The following CTNND2 variants were observed in gnomAD, a reference collection of about 807,000 sequenced individuals.
The protein encoded by CTNND2 is catenin delta-2.
CTNND2 carries 22 observed loss-of-function variants against 144.4 expected under a neutral mutation model. The observed-to-expected ratio is 0.15, with a 90% CI of 0.11 to 0.22. CTNND2 has a LOEUF of 0.22. Ranked by LOEUF, CTNND2 falls within the 10% of genes least tolerant of loss-of-function variation. The pLI, the probability that CTNND2 is intolerant of heterozygous loss-of-function variation, is 1.00. For missense variants in CTNND2, 1,353 were observed against 1,618.8 expected (o/e 0.84, Z 2.82); for synonymous variants, 751 against 695.6 (o/e 1.08, Z -1.25).
At chr5:11,319,955 G>A (rs531636874) in intron 9 of CTNND2, among the ~76,000 whole-genome samples, 1 of 152,240 alleles carries the variant, frequency 6.6e-6, no homozygotes, top group South Asian at 2.1e-4. Flanking sequence ...CCATGAAGTT[G>A]TCAGGCCCGC....
At chr5:11,618,947 A>T (rs1395590809) in intron 2 of CTNND2, among the ~76,000 whole-genome samples, 1 of 152,222 alleles carries the variant, frequency 6.6e-6, no homozygotes, top group Admixed American at 6.6e-5. Flanking sequence ...CTCCATTTTT[A>T]AAAAATTATG....
At chr5:11,423,077 G>A (rs952281158) in intron 3 of CTNND2, among the ~76,000 whole-genome samples, 2 of 152,210 alleles carry the variant, frequency 1.3e-5, no homozygotes, top group African/African-American at 4.8e-5. Context: ...TTGCCAGTGG[G>A]CATTCCATAA....
chr5:11,102,063 A>G (rs1056383378), intron 14 of CTNND2, among the ~76,000 whole-genome samples: 4 of 151,946 alleles, frequency 2.6e-5, no homozygotes, highest in African/African-American at 4.8e-5. Flanking sequence ...CTTGGGGGAA[A>G]TTTTCAATGA....
intron 9 of CTNND2, among the ~76,000 whole-genome samples, chr5:11,326,801 T>C (rs1419671341): frequency 1.3e-5 from 2 of 152,152 alleles, no homozygotes; most frequent in Non-Finnish European, 1.5e-5. Flanking sequence ...ATCTTTAACA[T>C]TGATGTCAAT....
chr5:11,057,001 C>T (rs1746411640), intron 16 of CTNND2, among the ~76,000 whole-genome samples: 1 of 152,166 alleles, frequency 6.6e-6, no homozygotes, highest in South Asian at 2.1e-4. Context: ...TGTGTGGAAT[C>T]CAGTCTTGTG....
chr5:11,374,488 T>G (rs186771062), intron 7 of CTNND2, among the ~76,000 whole-genome samples: 180 of 152,298 alleles, frequency 1.2e-3, no homozygotes, highest in Middle Eastern at 3.4e-3. Flanking sequence ...CACAATCTTC[T>G]GTTTGTCCTG....
At chr5:11,099,076 A>G (rs1222589662) in intron 14 of CTNND2, among the ~76,000 whole-genome samples, 2 of 152,192 alleles carry the variant, frequency 1.3e-5, no homozygotes, top group Non-Finnish European at 2.9e-5. Flanking sequence ...ATTAATTTTG[A>G]TTGAGCAGTT....
intron 3 of CTNND2, among the ~76,000 whole-genome samples, chr5:11,443,410 GGTGTGTGGTGT>G (rs1561402180): frequency 1.9e-5 from 1 of 53,722 alleles, no homozygotes. Flanking sequence ...GTGTGGGGGG[GGTGTGTGGTGT>G]GTGTGTGTGG....
At chr5:11,867,654 C>T (rs1795836237) in intron 1 of CTNND2, among the ~76,000 whole-genome samples, 1 of 151,916 alleles carries the variant, frequency 6.6e-6, no homozygotes, top group Non-Finnish European at 1.5e-5. Flanking sequence ...TTCATTCATT[C>T]ATTCAATAAT....
intron 2 of CTNND2, among the ~76,000 whole-genome samples, chr5:11,690,644 G>A (rs1784859884): frequency 6.7e-6 from 1 of 149,754 alleles, no homozygotes; most frequent in South Asian, 2.1e-4. Flanking sequence ...GCTGAGGCAG[G>A]AGAATGGCGT....
At chr5:11,536,062 T>C (rs1774191961) in intron 3 of CTNND2, among the ~76,000 whole-genome samples, 1 of 152,162 alleles carries the variant, frequency 6.6e-6, no homozygotes, top group East Asian at 1.9e-4. Flanking sequence ...TTATTTTTAT[T>C]TTCCATTTTT....
At chr5:11,457,275 A>G (rs1169503746) in intron 3 of CTNND2, among the ~76,000 whole-genome samples, 6 of 151,982 alleles carry the variant, frequency 3.9e-5, no homozygotes, top group African/African-American at 1.2e-4. Flanking sequence ...ATGGTGGTGC[A>G]TGCCTGTAGT....
At chr5:11,099,696 A>G (rs1751691607) in intron 14 of CTNND2, among the ~76,000 whole-genome samples, 1 of 152,196 alleles carries the variant, frequency 6.6e-6, no homozygotes, top group African/African-American at 2.4e-5. Flanking sequence ...AAAAAACACT[A>G]AAAATTAAAA....
At chr5:11,541,351 G>A (rs1195666323) in intron 3 of CTNND2, among the ~76,000 whole-genome samples, 1 of 152,080 alleles carries the variant, frequency 6.6e-6, no homozygotes, top group East Asian at 1.9e-4. Flanking sequence ...CCGGTTTCTG[G>A]GATAAAGGTA....
At chr5:11,288,763 GTTAT>G (rs1482756895) in intron 9 of CTNND2, among the ~76,000 whole-genome samples, 3 of 148,544 alleles carry the variant, frequency 2.0e-5, no homozygotes, top group Non-Finnish European at 4.4e-5. Flanking sequence ...AATTCAATTA[GTTAT>G]TTTATTTCAG....
chr5:11,778,170 A>G (rs1477296155), intron 1 of CTNND2, among the ~76,000 whole-genome samples: 2 of 152,024 alleles, frequency 1.3e-5, no homozygotes, highest in African/African-American at 4.8e-5. Context: ...TACATACAAC[A>G]CCGTTCAGCT....
At chr5:11,482,150 C>T (rs1363146709) in intron 3 of CTNND2, among the ~76,000 whole-genome samples, 1 of 152,132 alleles carries the variant, frequency 6.6e-6, no homozygotes, top group Non-Finnish European at 1.5e-5. Context: ...ATGGCACTGA[C>T]CTCAATACCG....
In CTNND2 at chr5:11,888,748, C is replaced by CTTT. The variant is rs566356140; in HGVS notation, c.37+15066_37+15068dup. Among the ~76,000 whole-genome samples the CTTT allele has an allele frequency of 1.6e-4, 21 of 134,688 alleles. No homozygotes were observed. In the East Asian group the frequency reaches 3.6e-3, roughly 23 times the overall value. 88.4% of individuals were successfully genotyped at this position (134,688 alleles called of 152,430 possible). ...TATTTTTCAAGTTCTCAGAATGACT[C>CTTT]TTTTTTTTTTTTTTTTTAGATGGAA... On this transcript the variant is annotated intron_variant, in intron 1 of 21. Coordinates refer to ENST00000304623, the MANE Select transcript of CTNND2 (RefSeq NM_001332.4).
At chr5:11,806,976 T>G (rs4299739) in intron 1 of CTNND2, among the ~76,000 whole-genome samples, 15,109 of 152,094 alleles carry the variant, frequency 0.099, 1,778 homozygotes, top group African/African-American at 0.28. Flanking sequence ...ATGTTTTGTT[T>G]TTATTCTCAA....
Sources: allele counts gnomAD v4.1 joint callset (sites outside exome capture counted in the v4.1 genomes callset), GRCh38; gene constraint gnomAD v4.1.1; transcripts MANE v1.5; gene names NCBI Gene and HGNC (gene_info 2026-07-23, HGNC 2026-07-21).